ADAMTSL1: variants seen among roughly 807,000 people sequenced by gnomAD.
ADAMTSL1 encodes the protein ADAMTS-like protein 1.
In ADAMTSL1, 126 loss-of-function variants were observed where a neutral mutation model predicts 201.8. That is an observed-to-expected ratio of 0.62 (90% CI 0.54 to 0.72). The LOEUF is 0.72. ADAMTSL1 is among the 30% of genes least tolerant of loss of function. The probability of loss-of-function intolerance (pLI) is 0.00; values close to 1 mark genes in which losing one functional copy is unlikely to be tolerated. For synonymous variants in ADAMTSL1, 1,121 were observed against 903.4 expected, an observed-to-expected ratio of 1.24 and a Z score of -4.32; for missense variants, 2,679 against 2,277.8, an observed-to-expected ratio of 1.18 and a Z score of -3.59.
intron 2 of ADAMTSL1, among the ~76,000 whole-genome samples, chr9:18,316,194 C>T (rs1834387607): frequency 6.6e-6 from 1 of 152,102 alleles, no homozygotes; most frequent in African/African-American, 2.4e-5. Context: ...CAAGTGGAGG[C>T]AGGGCAAGAT....
intron 1 of ADAMTSL1, among the ~76,000 whole-genome samples, chr9:18,055,623 G>A (rs1017188853): frequency 1.3e-5 from 2 of 152,184 alleles, no homozygotes; most frequent in Middle Eastern, 3.2e-3. Flanking sequence ...TAACAACCAC[G>A]AGGAGTCGTA....
rs1484985887 is a variant in ADAMTSL1, at chr9:18,777,767, G to A, written c.3538G>A (p.Glu1180Lys). ...ISAAQQLSAS[E>K]VVTHLGQTVA... ...AGCGGCCCAGCAGCTCTCAGCCTCG[G>A]AGGTGGTCACCCACCTGGGGCAGAC... Residue 1180 changes from glutamate (E) to lysine (K), a missense_variant, in exon 19 of 29, where the codon GAG (glutamate) becomes AAG (lysine). Glu to Lys is a moderately conservative substitution (Grantham distance 56). Coordinates refer to ENST00000380548, the MANE Select transcript of ADAMTSL1 (RefSeq NM_001040272.6). 1 of 1,613,666 alleles carries A rather than the reference G, an allele frequency of 6.2e-7. No individual in the cohort carries two copies. The highest frequency in any genetic ancestry group is 1.1e-5 in the South Asian group (1 of 91,062).
At chr9:18,236,365 C>T (rs1007839595) in intron 2 of ADAMTSL1, among the ~76,000 whole-genome samples, 5 of 152,226 alleles carry the variant, frequency 3.3e-5, no homozygotes, top group Admixed American at 6.5e-5. Context: ...TGAGCCACCA[C>T]GCATGGCCTG....
intron 1 of ADAMTSL1, among the ~76,000 whole-genome samples, chr9:18,147,725 G>C (rs1292909595): frequency 6.6e-6 from 1 of 152,088 alleles, no homozygotes; most frequent in Non-Finnish European, 1.5e-5. Context: ...AGCAACTGTA[G>C]AAACTGTTAT....
At chr9:18,040,619 C>T (rs1821390755) in intron 1 of ADAMTSL1, among the ~76,000 whole-genome samples, 1 of 152,142 alleles carries the variant, frequency 6.6e-6, no homozygotes, top group Non-Finnish European at 1.5e-5. Context: ...TTTGTCATTT[C>T]CTGCATGGTG....
intron 23 of ADAMTSL1, among the ~76,000 whole-genome samples, chr9:18,877,190 T>C (rs1828216677): frequency 6.6e-6 from 1 of 152,234 alleles, no homozygotes; most frequent in Admixed American, 6.5e-5. Context: ...CACCTTTCTC[T>C]GGTGCCTCCT....
chr9:18,760,365 A>G (rs907677868), intron 16 of ADAMTSL1, among the ~76,000 whole-genome samples: 1 of 152,112 alleles, frequency 6.6e-6, no homozygotes, highest in African/African-American at 2.4e-5. Flanking sequence ...ACTCTCATCC[A>G]GTGTTTCCCA....
chr9:18,608,454 G>A (rs548618326), intron 4 of ADAMTSL1, among the ~76,000 whole-genome samples: 4 of 152,086 alleles, frequency 2.6e-5, no homozygotes, highest in Admixed American at 1.3e-4. Flanking sequence ...GCATGTGAGT[G>A]GGGGGTTAGT....
At chr9:17,973,526 C>T (rs1384976640) in intron 1 of ADAMTSL1, among the ~76,000 whole-genome samples, 2 of 109,806 alleles carry the variant, frequency 1.8e-5, no homozygotes, top group Non-Finnish European at 4.3e-5. Flanking sequence ...TGATCTATAT[C>T]TCTGTTTTGG....
rs918082865 is a variant in ADAMTSL1, at chr9:18,520,993, C to G, written c.192-12254C>G. Among the ~76,000 whole-genome samples, 3 of 152,198 alleles carry G rather than the reference C, an allele frequency of 2.0e-5. No homozygotes were observed. The South Asian group carries it at 6.2e-4, about 32-fold the overall frequency. On this transcript the variant is annotated intron_variant, in intron 2 of 28. Coordinates refer to ENST00000380548, the MANE Select transcript of ADAMTSL1 (RefSeq NM_001040272.6). ...TTGAAAGTCCCAAAGCACCAAGAAC[C>G]TCTGTTTCCGCCTTTCCACTGGTGG...
At chr9:18,316,151 A>C (rs531857552) in intron 2 of ADAMTSL1, among the ~76,000 whole-genome samples, 1 of 152,302 alleles carries the variant, frequency 6.6e-6, no homozygotes, top group African/African-American at 2.4e-5. Context: ...CACAGACATC[A>C]AGTACTTTAC....
intron 2 of ADAMTSL1, among the ~76,000 whole-genome samples, chr9:18,523,169 A>T (rs375359361): frequency 0.013 from 1,926 of 152,136 alleles, 52 homozygotes; most frequent in African/African-American, 0.044. Context: ...TGTGGTTTTG[A>T]TTTGCATTTC....
intron 15 of ADAMTSL1, chr9:18,722,876 C>A: frequency 1.5e-6 from 1 of 676,568 alleles, no homozygotes; most frequent in Non-Finnish European, 2.7e-6. Flanking sequence ...ACATGAAATC[C>A]TGAGTAACCT....
At chr9:18,328,861 G>A (rs1200626266) in intron 2 of ADAMTSL1, among the ~76,000 whole-genome samples, 2 of 152,142 alleles carry the variant, frequency 1.3e-5, no homozygotes, top group Non-Finnish European at 2.9e-5. Context: ...GAAATGACAG[G>A]ATGTCCCCAA....
rs535496567 is a variant in ADAMTSL1 at position 17,962,369 on chromosome 9, T to A, written c.87+55447T>A. On this transcript the variant is annotated intron_variant, in intron 1 of 29. Coordinates refer to the ADAMTSL1 transcript ENST00000680146. ...CCTGTCAGTTGTTTTACATTTTTTA[T>A]CTCCGGTTTTGTGCACAGTATCAAG... is the stretch of plus-strand genomic sequence containing the variant. 3.2e-4 allele frequency among the ~76,000 whole-genome samples: 49 copies of A among 152,292 alleles called. No homozygotes were observed. In the East Asian group the frequency reaches 9.5e-3, roughly 29 times the overall value.
At chr9:17,924,977 G>C (rs1372614331) in intron 1 of ADAMTSL1, among the ~76,000 whole-genome samples, 2 of 127,262 alleles carry the variant, frequency 1.6e-5, no homozygotes, top group Admixed American at 9.1e-5. Context: ...CTAATATCCA[G>C]AATCTACAAT....
chr9:18,708,765 T>A (rs954737345), intron 14 of ADAMTSL1, among the ~76,000 whole-genome samples: 5 of 152,188 alleles, frequency 3.3e-5, no homozygotes, highest in African/African-American at 1.2e-4. Context: ...CAGTTATAGT[T>A]CTCAGTTACA....
intron 14 of ADAMTSL1, among the ~76,000 whole-genome samples, chr9:18,720,744 C>T (rs879774499): frequency 3.3e-5 from 5 of 151,964 alleles, no homozygotes; most frequent in Non-Finnish European, 5.9e-5. Context: ...GATCGTGCCA[C>T]TACACTCCAG....
chr9:18,210,671 G>T (rs947662620), intron 2 of ADAMTSL1, among the ~76,000 whole-genome samples: 1 of 151,574 alleles, frequency 6.6e-6, no homozygotes, highest in Non-Finnish European at 1.5e-5. Flanking sequence ...ATTACTGTCA[G>T]TTTTCTATAA....
Sources: gnomAD v4.1 joint callset for allele counts (sites outside exome capture counted in the v4.1 genomes callset) on GRCh38, gnomAD v4.1.1 for gene constraint, MANE v1.5 for transcripts, NCBI Gene and HGNC (gene_info 2026-07-23, HGNC 2026-07-21) for gene names.